The following ZNF236 variants were observed in gnomAD, a reference collection of about 807,000 sequenced individuals.
The protein encoded by ZNF236 is zinc finger protein 236.
Under a neutral mutation model 191.2 loss-of-function variants are expected in ZNF236, and 50 were observed. That is an observed-to-expected ratio of 0.26 (90% CI 0.21 to 0.33). ZNF236 has a LOEUF of 0.33. Among genes scored for constraint, ZNF236 ranks in the 10% least tolerant of loss-of-function variants. The pLI is 1.00. For missense variants in ZNF236, 1,754 were observed against 2,374.5 expected (o/e 0.74, Z 5.43); for synonymous variants, 907 against 928.8 (o/e 0.98, Z 0.43).
chr18:76,897,704 A>C (rs774214885), intron 10 of ZNF236, among the ~76,000 whole-genome samples: 6 of 152,014 alleles, frequency 3.9e-5, no homozygotes, highest in Non-Finnish European at 8.8e-5. Flanking sequence ...TATAGTAACA[A>C]ACACAGTACT....
chr18:76,852,727 G>C (rs775383208), intron 3 of ZNF236, among the ~76,000 whole-genome samples: 13 of 152,070 alleles, frequency 8.5e-5, no homozygotes, highest in Non-Finnish European at 1.9e-4. Context: ...AGTTAAAGGA[G>C]AAAGTCATCT....
At chr18:76,954,395 G>A (rs1189814758) in intron 27 of ZNF236, among the ~76,000 whole-genome samples, 2 of 152,166 alleles carry the variant, frequency 1.3e-5, no homozygotes, top group Admixed American at 6.5e-5. Context: ...AGGACATTAG[G>A]TCGCTCCATA....
chr18:76,896,707 C>T (rs1467022649), intron 10 of ZNF236, among the ~76,000 whole-genome samples: 2 of 151,368 alleles, frequency 1.3e-5, no homozygotes. Flanking sequence ...GCTGCACTCA[C>T]ACAGGCACTG....
rs527947905 is a variant in ZNF236 at position 76,960,145 on chromosome 18, T to C, written c.5242+329T>C. On this transcript the variant is annotated intron_variant, in intron 29 of 30. Coordinates refer to ENST00000320610, the MANE Select transcript of ZNF236 (RefSeq NM_001306089.2). The surrounding 1 kb of genome is among the most constrained non-coding windows in gnomAD (Gnocchi z 4.4). Reference sequence around the variant, plus strand: ...CGGCCCCCAGTGCCTGGGTCCCATGTCCTCAATGTCACCGGGGAACTTAAT... The same window carrying C: ...CGGCCCCCAGTGCCTGGGTCCCATGCCCTCAATGTCACCGGGGAACTTAAT... 7.0e-4 allele frequency among the ~76,000 whole-genome samples: 106 copies of C among 152,290 alleles called. No homozygotes were observed. The highest frequency in any genetic ancestry group is 2.4e-3 in the African/African-American group (99 of 41,556).
intron 26 of ZNF236, among the ~76,000 whole-genome samples, chr18:76,939,627 C>T (rs569390707): frequency 6.6e-6 from 1 of 152,288 alleles, no homozygotes; most frequent in East Asian, 1.9e-4. Flanking sequence ...TTTGTCTTTC[C>T]CACGTTTTTA....
intron 14 of ZNF236, among the ~76,000 whole-genome samples, chr18:76,909,740 GATTATACAC>G (rs1967166178): frequency 6.6e-6 from 1 of 152,136 alleles, no homozygotes; most frequent in Non-Finnish European, 1.5e-5. Context: ...CTTTGGGGAG[GATTATACAC>G]TTACCCCTAT....
Position 76,841,700 on chromosome 18 carries a change from T to G in ZNF236, c.56-7826T>G, listed in dbSNP as rs111952449. 4.8e-3 allele frequency among the ~76,000 whole-genome samples: 729 copies of G among 150,888 alleles called. 7 individuals are homozygous for G. The highest frequency in any genetic ancestry group is 0.017 in the African/African-American group (696 of 41,084). On this transcript the variant is annotated intron_variant, in intron 1 of 30. Transcript: ENST00000320610. ...CAACTGGGTTTTTTTTTTTCTTTTTTTTTTTTTTCTGAGATGGAGTTTCAG... is the reference window on the plus strand; with the variant it reads ...CAACTGGGTTTTTTTTTTTCTTTTTGTTTTTTTTCTGAGATGGAGTTTCAG...
chr18:76,862,481 A>T (rs1167724620), intron 3 of ZNF236, among the ~76,000 whole-genome samples: 1 of 152,100 alleles, frequency 6.6e-6, no homozygotes, highest in Non-Finnish European at 1.5e-5. Flanking sequence ...CCTTGCATCC[A>T]GGAGGGGGAT....
chr18:76,823,939 G>A (rs9965746), intron 1 of ZNF236, among the ~76,000 whole-genome samples: 28,022 of 152,200 alleles, frequency 0.18, 2,737 homozygotes, highest in Middle Eastern at 0.24. Flanking sequence ...CAACTGGAGC[G>A]GCGCTCCGCG....
At chr18:76,940,300 C>G (rs887062365) in intron 26 of ZNF236, among the ~76,000 whole-genome samples, 11 of 137,886 alleles carry the variant, frequency 8.0e-5, no homozygotes, top group Non-Finnish European at 1.3e-4. Flanking sequence ...TGCCCTAGCA[C>G]TGCATTTGGG....
intron 3 of ZNF236, among the ~76,000 whole-genome samples, chr18:76,860,770 A>G (rs770709651): frequency 2.0e-5 from 3 of 152,204 alleles, no homozygotes; most frequent in Non-Finnish European, 4.4e-5. Context: ...ATTTTTTTGA[A>G]AAGTCTTTTG....
intron 1 of ZNF236, among the ~76,000 whole-genome samples, chr18:76,826,718 T>G (rs539525676): frequency 1.1e-4 from 16 of 149,110 alleles, no homozygotes; most frequent in Admixed American, 3.3e-4. Context: ...GAGAATCGCT[T>G]GAGCCCAGGA....
rs993868564 is a variant in ZNF236, at chr18:76,848,736, G to A, written c.56-790G>A. On this transcript the variant is annotated intron_variant, in intron 1 of 30. Coordinates refer to ENST00000320610, the MANE Select transcript of ZNF236 (RefSeq NM_001306089.2). Reference sequence around the variant, plus strand: ...ACTGGGGTGCAGTGGTGGGATCATCGGTCACTACGCCCCGAAACTCTTGGA... The same window carrying A: ...ACTGGGGTGCAGTGGTGGGATCATCAGTCACTACGCCCCGAAACTCTTGGA... Among the ~76,000 whole-genome samples the A allele has an allele frequency of 3.9e-5, 6 of 152,194 alleles. No individual in the cohort carries two copies. In the East Asian group the frequency reaches 9.7e-4, roughly 25 times the overall value.
chr18:76,915,502 T>G (rs1462247314), intron 18 of ZNF236, 145 bp from the exon 19 acceptor site: 1 of 726,926 alleles, frequency 1.4e-6, no homozygotes, highest in Non-Finnish European at 2.2e-6. Context: ...AATTTACTTT[T>G]TTTTTTTTTT....
chr18:76,910,322 A>G (rs77853250), intron 15 of ZNF236, among the ~76,000 whole-genome samples, 153 bp downstream of exon 15: 1 of 151,880 alleles, frequency 6.6e-6, no homozygotes, highest in African/African-American at 2.4e-5. Context: ...ATTTTTTTTT[A>G]TTGATGCATA....
intron 3 of ZNF236, among the ~76,000 whole-genome samples, chr18:76,862,491 T>C (rs909366209): frequency 1.9e-4 from 29 of 152,008 alleles, no homozygotes; most frequent in African/African-American, 5.8e-4. Flanking sequence ...AGGAGGGGGA[T>C]TCTCCTGGCA....
intron 13 of ZNF236, 149 bp downstream of exon 13, chr18:76,905,564 A>G: frequency 1.3e-5 from 1 of 76,580 alleles, no homozygotes; most frequent in Non-Finnish European, 2.0e-5. Context: ...AAAAAAAAAA[A>G]AAAAAAGAAA....
chr18:76,931,813 C>T (rs535906774), intron 25 of ZNF236, among the ~76,000 whole-genome samples: 91 of 152,300 alleles, frequency 6.0e-4, no homozygotes, highest in African/African-American at 1.9e-3. Flanking sequence ...ATACCTATCT[C>T]GTTCTCTTCA....
At chr18:76,907,143 C>T (rs940234817) in intron 13 of ZNF236, among the ~76,000 whole-genome samples, 1 of 152,324 alleles carries the variant, frequency 6.6e-6, no homozygotes, top group East Asian at 1.9e-4. Flanking sequence ...TTATGCGACA[C>T]ATTTTTGTTC....
Sources: gnomAD v4.1 joint callset for allele counts (sites outside exome capture counted in the v4.1 genomes callset) on GRCh38, gnomAD v4.1.1 for gene constraint, Gnocchi (gnomAD v3.1) non-coding constraint, MANE v1.5 for transcripts, NCBI Gene and HGNC (gene_info 2026-07-23, HGNC 2026-07-21) for gene names.